HMX1: variants seen among roughly 807,000 people sequenced by gnomAD.
HMX1 encodes homeobox protein HMX1.
Under a neutral mutation model 8.9 loss-of-function variants are expected in HMX1, and 8 were observed. The observed-to-expected ratio is 0.90, with a 90% CI of 0.53 to 1.63. The LOEUF (loss-of-function observed/expected upper bound fraction) is 1.63. HMX1 is among the 40% of genes most tolerant of loss of function. The pLI is 0.00. For missense variants in HMX1, 621 were observed against 558.5 expected (o/e 1.11, Z -1.13); for synonymous variants, 311 against 283.4 (o/e 1.10, Z -0.98).
At chr4:8,856,601 G>C (rs1218472959) in intron 1 of HMX1, among the ~76,000 whole-genome samples, 1 of 152,136 alleles carries the variant, frequency 6.6e-6, no homozygotes, top group East Asian at 1.9e-4. Context: ...GGCTACACGG[G>C]TGTGCACATT....
rs1721314367 is a variant in HMX1 at position 8,847,498 on chromosome 4, G to A, written c.395-1174C>T. The stretch of plus-strand genomic sequence containing the variant: ...GGAAGCCACTGAGCCCTGCTCTTCG[G>A]AAGATGCTGGGCCGGGCACAACTCC... On this transcript the variant is annotated intron_variant, in intron 1 of 1. Transcript: ENST00000506970. The surrounding 1 kb of genome is among the most constrained non-coding windows in gnomAD (Gnocchi z 6.0). Among the ~76,000 whole-genome samples the A allele has an allele frequency of 6.6e-6, 1 of 152,202 alleles. No homozygotes were observed. The highest frequency in any genetic ancestry group is 6.5e-5 in the Admixed American group (1 of 15,288).
At chr4:8,860,657 C>T (rs914710208) in intron 1 of HMX1, 20 of 152,440 alleles carry the variant, frequency 1.3e-4, no homozygotes, top group African/African-American at 4.6e-4. Flanking sequence ...ACCTGCGCGC[C>T]TCGAGCTTCG....
chr4:8,862,046 C>T (rs1721845314), intron 1 of HMX1, among the ~76,000 whole-genome samples: 1 of 152,216 alleles, frequency 6.6e-6, no homozygotes, highest in African/African-American at 2.4e-5. Context: ...CGGTCTGAGG[C>T]CTCCCCAGCG....
At chr4:8,869,314 G>T (rs919253374) in intron 1 of HMX1, among the ~76,000 whole-genome samples, 1 of 152,224 alleles carries the variant, frequency 6.6e-6, no homozygotes, top group African/African-American at 2.4e-5. Flanking sequence ...TGCCCAGATT[G>T]AAGAGGGCAG....
chr4:8,860,446 A>T (rs1019948346), intron 1 of HMX1, among the ~76,000 whole-genome samples: 1 of 152,226 alleles, frequency 6.6e-6, no homozygotes, highest in Non-Finnish European at 1.5e-5. Context: ...ACCACTCCGC[A>T]GATGGGCAAG....
Position 8,868,400 on chromosome 4 carries a change from A to G in HMX1, c.395-55T>C. On this transcript the variant is annotated intron_variant, in intron 1 of 1. Coordinates refer to ENST00000400677, the MANE Select transcript of HMX1 (RefSeq NM_018942.3). This position sits in a 1 kb window ranked among gnomAD's most constrained non-coding sequence, Gnocchi z 4.6. ...TTCTAGGGCACTGATTACCAGACTC[A>G]ATCACTGAGGCCAGCCGTCCCCACC... 1.6e-6 allele frequency: 2 copies of G among 1,246,300 alleles called. No individual in the cohort carries two copies. The highest frequency in any genetic ancestry group is 4.2e-5 in the Admixed American group (1 of 23,924). 77.2% of individuals were successfully genotyped at this position (1,246,300 alleles called of 1,614,324 possible).
At chr4:8,861,522 G>A (rs1721818797) in intron 1 of HMX1, among the ~76,000 whole-genome samples, 1 of 152,212 alleles carries the variant, frequency 6.6e-6, no homozygotes, top group South Asian at 2.1e-4. Flanking sequence ...ACGCGCGCGC[G>A]GGATCCTCGT....
In HMX1 at chr4:8,849,152, T is replaced by A. The variant is rs150534603; in HGVS notation, c.395-2828A>T. Among the ~76,000 whole-genome samples, 2,397 of 152,170 alleles carry A rather than the reference T, an allele frequency of 0.016. 34 individuals are homozygous for A. The highest frequency in any genetic ancestry group is 0.023 in the Non-Finnish European group (1,578 of 68,020). On this transcript the variant is annotated intron_variant, in intron 1 of 1. Transcript: ENST00000506970. The surrounding 1 kb of genome is among the most constrained non-coding windows in gnomAD (Gnocchi z 6.6). ...TGAAGTGTGGGATGAAGCCTTTTCA[T>A]GAGGTTGTGAGACGGGTCCAACCAT...
At chr4:8,857,945 G>A (rs13303302) in intron 1 of HMX1, among the ~76,000 whole-genome samples, 84,929 of 151,834 alleles carry the variant, frequency 0.56, 25,124 homozygotes, top group Non-Finnish European at 0.68. Flanking sequence ...TAGGGCTTCG[G>A]GCGCTCGGGG....
rs1721321276 is a variant in HMX1, at chr4:8,847,769, T to A, written c.395-1445A>T. ...ATTATATCCTGCATACAGTTGGTACTCTGTAATTGCTTTCTGGACACAAGA... is the reference window on the plus strand; with the variant it reads ...ATTATATCCTGCATACAGTTGGTACACTGTAATTGCTTTCTGGACACAAGA... On this transcript the variant is annotated intron_variant, in intron 1 of 1. Coordinates refer to the HMX1 transcript ENST00000506970. This position sits in a 1 kb window ranked among gnomAD's most constrained non-coding sequence, Gnocchi z 6.0. Among the ~76,000 whole-genome samples the A allele has an allele frequency of 6.6e-6, 1 of 152,216 alleles. No individual in the cohort carries two copies. The highest frequency in any genetic ancestry group is 2.1e-4 in the South Asian group (1 of 4,822).
chr4:8,867,665 C>T lies in HMX1; in HGVS notation c.*28G>A. On this transcript the variant is annotated 3_prime_UTR_variant, in exon 2 of 2. Coordinates refer to ENST00000400677, the MANE Select transcript of HMX1 (RefSeq NM_018942.3). ...GCGCGTCCACACAGGTCCACAGGGT[C>T]GTGGGGAGAGGGCCCGGCAGGCGGG... 1 of 1,236,440 alleles carries T rather than the reference C, an allele frequency of 8.1e-7. No homozygotes were observed. The highest frequency in any genetic ancestry group is 1.0e-6 in the Non-Finnish European group (1 of 990,164). The allele number at this position is 1,236,440 out of a possible 1,614,324, so 76.6% of individuals were successfully genotyped here.
chr4:8,864,854 C>A (rs909682673), downstream of HMX1, among the ~76,000 whole-genome samples: 6 of 152,238 alleles, frequency 3.9e-5, no homozygotes, highest in African/African-American at 1.4e-4. Context: ...CAGGGCAAGC[C>A]CTGAGTCGAG....
Position 8,871,186 on chromosome 4 carries a change from A to T in HMX1, c.394+35T>A. 7.3e-7 allele frequency: 1 copy of T among 1,371,984 alleles called. No individual in the cohort carries two copies. The highest frequency in any genetic ancestry group is 9.4e-7 in the Non-Finnish European group (1 of 1,065,654). The allele number at this position is 1,371,984 out of a possible 1,614,324, so 85.0% of individuals were successfully genotyped here. A position where few individuals can be genotyped will look rare whatever the true frequency, so the allele number is the denominator to read the frequency against. On this transcript the variant is annotated intron_variant, in intron 1 of 1. Transcript: ENST00000400677. The surrounding 1 kb of genome is among the most constrained non-coding windows in gnomAD (Gnocchi z 4.8). ...ATGCGCAGGGAGGAAGTCGGGCCCC[A>T]CCGCCTGACCCACCCTCCCCGCGCC...
At chr4:8,862,281 T>C (rs1265905110), downstream of HMX1, among the ~76,000 whole-genome samples, 2 of 152,282 alleles carry the variant, frequency 1.3e-5, no homozygotes, top group East Asian at 1.9e-4. Flanking sequence ...GAGACCCCGA[T>C]TGGGCGTAGA....
Position 8,867,823 on chromosome 4 carries a change from A to T in HMX1, c.917T>A (p.Leu306Gln). 8.2e-7 allele frequency: 1 copy of T among 1,226,582 alleles called. No homozygotes were observed. Among genetic ancestry groups the T allele is most frequent in the Non-Finnish European group, 1.0e-6 (1 of 987,080 alleles). 76.0% of individuals were successfully genotyped at this position (1,226,582 alleles called of 1,614,324 possible). The change falls in exon 2 of 2, where the codon CTG (leucine) becomes CAG (glutamine). Residue 306 changes from leucine (L) to glutamine (Q), a missense_variant. Coordinates refer to ENST00000400677, the MANE Select transcript of HMX1 (RefSeq NM_018942.3). ...AGPPATLPFP[L>Q]APAAPAPPPP... ...GGGCGGCGCGGGCGCGGCGGGCGCCAGCGGGAAGGGCAGGGTGGCCGGGGG... is the reference window on the plus strand; with the variant it reads ...GGGCGGCGCGGGCGCGGCGGGCGCCTGCGGGAAGGGCAGGGTGGCCGGGGG...
At chr4:8,860,402 A>G (rs2109463551) in intron 1 of HMX1, among the ~76,000 whole-genome samples, 1 of 152,334 alleles carries the variant, frequency 6.6e-6, no homozygotes, top group Non-Finnish European at 1.5e-5. Flanking sequence ...CGCTCCCGTC[A>G]TTACATCGCG....
intron 1 of HMX1, among the ~76,000 whole-genome samples, chr4:8,855,933 G>T (rs532790388): frequency 6.6e-6 from 1 of 152,338 alleles, no homozygotes; most frequent in Admixed American, 6.5e-5. Context: ...CACTCAATGT[G>T]GTGGGGTCCC....
Position 8,871,356 on chromosome 4 carries a change from G to T in HMX1, c.259C>A (p.Leu87Ile), listed in dbSNP as rs982884103. 30 of 1,252,158 alleles carry T rather than the reference G, an allele frequency of 2.4e-5. No individual in the cohort carries two copies. The African/African-American group carries it at 4.4e-4, about 19-fold the overall frequency. 77.6% of individuals were successfully genotyped at this position (1,252,158 alleles called of 1,614,324 possible). A position where few individuals can be genotyped will look rare whatever the true frequency, so the allele number is the denominator to read the frequency against. The change falls in exon 1 of 2, where the codon CTC (leucine) becomes ATC (isoleucine). Residue 87 changes from leucine to isoleucine, a missense_variant. By Grantham distance (5) the Leu-to-Ile change is conservative (BLOSUM62 2). Coordinates refer to ENST00000400677, the MANE Select transcript of HMX1 (RefSeq NM_018942.3). This position sits in a 1 kb window ranked among gnomAD's most constrained non-coding sequence, Gnocchi z 4.8. ...PGGEARARAL[L>I]GPGALGLGPR... ...CCGAGGCCCAGCGCGCCCGGCCCGAGCAGCGCACGGGCCCGCGCCTCCCCG... is the reference window on the plus strand; with the variant it reads ...CCGAGGCCCAGCGCGCCCGGCCCGATCAGCGCACGGGCCCGCGCCTCCCCG...
intron 1 of HMX1, among the ~76,000 whole-genome samples, chr4:8,859,816 C>A (rs1721736644): frequency 6.6e-6 from 1 of 152,214 alleles, no homozygotes. Context: ...GATCAGCTCC[C>A]GTCCCGGCCC....
Sources: gnomAD v4.1 joint callset for allele counts (sites outside exome capture counted in the v4.1 genomes callset) on GRCh38, gnomAD v4.1.1 for gene constraint, Gnocchi (gnomAD v3.1) non-coding constraint, MANE v1.5 for transcripts, NCBI Gene and HGNC (gene_info 2026-07-23, HGNC 2026-07-21) for gene names.